The following SLC22A23 variants were observed in gnomAD, a reference collection of about 807,000 sequenced individuals.
The protein encoded by SLC22A23 is ion transporter protein.
Under a neutral mutation model 61.0 loss-of-function variants are expected in SLC22A23, and 26 were observed. The observed-to-expected ratio is 0.43, with a 90% CI of 0.31 to 0.59. The LOEUF is 0.59. Ranked by LOEUF, SLC22A23 falls within the 20% of genes least tolerant of loss-of-function variation. The pLI is 0.11. For synonymous variants in SLC22A23, 430 were observed against 413.9 expected (o/e 1.04, Z -0.47); for missense variants, 796 against 934.7 (o/e 0.85, Z 1.94).
At chr6:3,405,031 C>T (rs1024376639) in intron 3 of SLC22A23, among the ~76,000 whole-genome samples, 7 of 151,752 alleles carry the variant, frequency 4.6e-5, no homozygotes, top group Admixed American at 6.6e-5. Flanking sequence ...GAGGCCGAGG[C>T]GGGCGGATCA....
intron 3 of SLC22A23, among the ~76,000 whole-genome samples, chr6:3,394,329 C>A (rs993169525): frequency 6.6e-6 from 1 of 152,124 alleles, no homozygotes; most frequent in East Asian, 1.9e-4. Context: ...CACAATAATT[C>A]CTGTATGTGG....
At chr6:3,366,323 ACT>A (rs1765815200) in intron 3 of SLC22A23, among the ~76,000 whole-genome samples, 2 of 112,372 alleles carry the variant, frequency 1.8e-5, no homozygotes, top group South Asian at 6.6e-4. Context: ...ACAGAGCAAG[ACT>A]CTGTCTCAAA....
At chr6:3,280,380 C>T (rs1444640633) in intron 9 of SLC22A23, among the ~76,000 whole-genome samples, 1 of 152,218 alleles carries the variant, frequency 6.6e-6, no homozygotes, top group South Asian at 2.1e-4. Context: ...CCTCATCCTG[C>T]CCCGCTGCTC....
rs575854854 is a variant in SLC22A23 at position 3,409,567 on chromosome 6, A to G, written c.913+621T>C. 1.2e-3 allele frequency among the ~76,000 whole-genome samples: 185 copies of G among 152,330 alleles called. 2 individuals carry two copies. The highest frequency in any genetic ancestry group is 4.3e-3 in the African/African-American group (179 of 41,576). On this transcript the variant is annotated intron_variant, in intron 3 of 9. Transcript: ENST00000406686. The stretch of plus-strand genomic sequence containing the variant: ...GTAAATAAGTAAAATAACCACGCCT[A>G]AAACTCTTCTTCTCCTTATGGGTGT...
Position 3,329,483 on chromosome 6 carries a change from C to G in SLC22A23, c.914-5481G>C, listed in dbSNP as rs1269622450. On this transcript the variant is annotated intron_variant, in intron 3 of 9. Coordinates refer to ENST00000406686, the MANE Select transcript of SLC22A23 (RefSeq NM_015482.2). This position sits in a 1 kb window ranked among gnomAD's most constrained non-coding sequence, Gnocchi z 4.8. ...GAATATATTAAGTTGACTGACAATA[C>G]TTAAGCCAGAGGACAGGAATTCACA... Among the ~76,000 whole-genome samples, 1 of 152,156 alleles carries G rather than the reference C, an allele frequency of 6.6e-6. No homozygotes were observed. The highest frequency in any genetic ancestry group is 1.5e-5 in the Non-Finnish European group (1 of 68,030).
At chr6:3,391,510 C>T (rs914646186) in intron 3 of SLC22A23, among the ~76,000 whole-genome samples, 2 of 152,214 alleles carry the variant, frequency 1.3e-5, no homozygotes, top group African/African-American at 2.4e-5. Flanking sequence ...AGATCTTCAT[C>T]GTGTTCCATG....
chr6:3,361,855 T>C (rs529495377), intron 3 of SLC22A23, among the ~76,000 whole-genome samples: 4 of 152,200 alleles, frequency 2.6e-5, no homozygotes, highest in Non-Finnish European at 5.9e-5. Context: ...GTTCTCACGC[T>C]ACGACCTAGG....
intron 3 of SLC22A23, among the ~76,000 whole-genome samples, chr6:3,405,291 G>A (rs1459657660): frequency 1.3e-5 from 2 of 151,992 alleles, no homozygotes; most frequent in African/African-American, 2.4e-5. Context: ...GTTTGTCAAA[G>A]GCCTTCGGTA....
At chr6:3,428,880 CA>C (rs769486125) in intron 1 of SLC22A23, among the ~76,000 whole-genome samples, 1 of 152,124 alleles carries the variant, frequency 6.6e-6, no homozygotes, top group Non-Finnish European at 1.5e-5. Context: ...TTCAGTGAAA[CA>C]AAGTCAAGCT....
intron 1 of SLC22A23, among the ~76,000 whole-genome samples, chr6:3,430,460 C>T (rs917439890): frequency 2.0e-5 from 3 of 152,200 alleles, no homozygotes; most frequent in Non-Finnish European, 4.4e-5. Flanking sequence ...TTTGTGCCAC[C>T]ACCCAGTCCC....
At chr6:3,363,956 C>T (rs977910877) in intron 3 of SLC22A23, among the ~76,000 whole-genome samples, 7 of 152,294 alleles carry the variant, frequency 4.6e-5, no homozygotes, top group Middle Eastern at 3.4e-3. Context: ...GAAGGACATT[C>T]GGGTGTAGTT....
At chr6:3,337,973 G>A (rs1763950975) in intron 3 of SLC22A23, among the ~76,000 whole-genome samples, 1 of 152,172 alleles carries the variant, frequency 6.6e-6, no homozygotes, top group Admixed American at 6.5e-5. Flanking sequence ...TTGTGAAGTT[G>A]TCACCCCCAG....
intron 5 of SLC22A23, among the ~76,000 whole-genome samples, chr6:3,295,979 A>T (rs958417599): frequency 3.3e-5 from 5 of 152,264 alleles, no homozygotes; most frequent in African/African-American, 1.2e-4. Flanking sequence ...ATAAATTTTT[A>T]AAAAGGATCT....
chr6:3,417,088 A>G (rs1769769589), intron 1 of SLC22A23, among the ~76,000 whole-genome samples: 1 of 152,118 alleles, frequency 6.6e-6, no homozygotes, highest in South Asian at 2.1e-4. Context: ...GAGGCCCCTG[A>G]GGCCACAGCT....
intron 9 of SLC22A23, among the ~76,000 whole-genome samples, chr6:3,279,509 C>CA (rs10642564): frequency 0.019 from 690 of 36,000 alleles, 85 homozygotes; most frequent in African/African-American, 0.043. Flanking sequence ...GGCTCCGTCT[C>CA]AAAAAAAAAA....
In SLC22A23 at chr6:3,387,109, T is replaced by C. The variant is rs1024174281; in HGVS notation, c.913+23079A>G. Among the ~76,000 whole-genome samples the C allele has an allele frequency of 6.6e-6, 1 of 152,222 alleles. No homozygotes were observed. The highest frequency in any genetic ancestry group is 2.4e-5 in the African/African-American group (1 of 41,454). On this transcript the variant is annotated intron_variant, in intron 3 of 9. Coordinates refer to ENST00000406686, the MANE Select transcript of SLC22A23 (RefSeq NM_015482.2). The surrounding 1 kb of genome is among the most constrained non-coding windows in gnomAD (Gnocchi z 5.0). ...CAGCAGTGTACCTAGCCACATGGAT[T>C]ATCTGCCCTTCATAGCTGTGAGTCC...
rs557408604 is a variant in SLC22A23, at chr6:3,414,281, G to A, written c.758+1471C>T. Among the ~76,000 whole-genome samples the A allele has an allele frequency of 3.3e-5, 5 of 152,044 alleles. No individual in the cohort carries two copies. Among genetic ancestry groups the A allele is most frequent in the East Asian group, 1.9e-4 (1 of 5,190 alleles). On this transcript the variant is annotated intron_variant, in intron 2 of 9. Coordinates refer to ENST00000406686, the MANE Select transcript of SLC22A23 (RefSeq NM_015482.2). The surrounding 1 kb of genome is among the most constrained non-coding windows in gnomAD (Gnocchi z 5.1). ...ATTTCAATGTAGATTTCTGGGAAAC[G>A]GTATATTTTAGACCAATATAGCCCA...
chr6:3,354,124 T>C (rs747438757), intron 3 of SLC22A23, among the ~76,000 whole-genome samples: 3 of 152,218 alleles, frequency 2.0e-5, no homozygotes, highest in Non-Finnish European at 2.9e-5. Flanking sequence ...TGTTTTCTCC[T>C]TAGAGTTGGC....
rs12526363 is a variant in SLC22A23 at position 3,309,226 on chromosome 6, G to A, written c.1083-11008C>T. On this transcript the variant is annotated intron_variant, in intron 4 of 9. Coordinates refer to ENST00000406686, the MANE Select transcript of SLC22A23 (RefSeq NM_015482.2). This position sits in a 1 kb window ranked among gnomAD's most constrained non-coding sequence, Gnocchi z 4.7. ...TGAGACAGGAGAATCGCTTGAACCCGGGAGGTTTGCAGTGGACCAAGGTCG... is the reference window on the plus strand; with the variant it reads ...TGAGACAGGAGAATCGCTTGAACCCAGGAGGTTTGCAGTGGACCAAGGTCG... Among the ~76,000 whole-genome samples, 2 of 151,860 alleles carry A rather than the reference G, an allele frequency of 1.3e-5. No individual in the cohort carries two copies. The highest frequency in any genetic ancestry group is 2.1e-4 in the South Asian group (1 of 4,820).
Sources: gnomAD v4.1 joint callset for allele counts (sites outside exome capture counted in the v4.1 genomes callset) on GRCh38, gnomAD v4.1.1 for gene constraint, Gnocchi (gnomAD v3.1) non-coding constraint, MANE v1.5 for transcripts, NCBI Gene and HGNC (gene_info 2026-07-23, HGNC 2026-07-21) for gene names.